Variants in TMEM117 observed in about 807,000 individuals in gnomAD.
The protein encoded by TMEM117 is transmembrane protein 117.
In TMEM117, 27 loss-of-function variants were observed where a neutral mutation model predicts 52.4. That is an observed-to-expected ratio of 0.51 (90% CI 0.38 to 0.71). TMEM117 has a LOEUF of 0.71. Ranked by LOEUF, TMEM117 falls within the 30% of genes least tolerant of loss-of-function variation. TMEM117 has a pLI of 0.00. For synonymous variants in TMEM117, 215 were observed against 206.3 expected (o/e 1.04, Z -0.36); for missense variants, 556 against 630.5 (o/e 0.88, Z 1.26).
At chr12:44,317,609 T>C (rs888927362) in intron 6 of TMEM117, among the ~76,000 whole-genome samples, 4 of 152,170 alleles carry the variant, frequency 2.6e-5, no homozygotes. Context: ...TTGGCCAGGC[T>C]AGTCTCGAAC....
intron 4 of TMEM117, among the ~76,000 whole-genome samples, chr12:44,193,990 C>T (rs2138350000): frequency 6.6e-6 from 1 of 152,110 alleles, no homozygotes; most frequent in East Asian, 1.9e-4. Context: ...ATCAGACCCA[C>T]AAAGATTTTA....
At chr12:43,813,237 T>TTTTTTTTTTTG in the TMEM117 span, among the ~76,000 whole-genome samples, 1 of 113,990 alleles carries the variant, frequency 8.8e-6, no homozygotes, top group Non-Finnish European at 1.9e-5. Flanking sequence ...TCTTGTTTTT[T>TTTTTTTTTTTG]TTTTTTTTTT....
intron 2 of TMEM117, among the ~76,000 whole-genome samples, chr12:43,854,413 G>T (rs1010944001): frequency 6.6e-6 from 1 of 150,570 alleles, no homozygotes; most frequent in African/African-American, 2.4e-5. Context: ...TAACTAGGAA[G>T]ATTAGGCTGG....
chr12:44,207,134 C>CTT (rs139838560), intron 4 of TMEM117, among the ~76,000 whole-genome samples: 7,971 of 152,058 alleles, frequency 0.052, 301 homozygotes, highest in Middle Eastern at 0.085. Context: ...CATTAATATC[C>CTT]TTTATGTATA....
intron 2 of TMEM117, among the ~76,000 whole-genome samples, chr12:43,874,654 T>A (rs913785671): frequency 1.3e-5 from 2 of 152,146 alleles, no homozygotes; most frequent in Non-Finnish European, 2.9e-5. Flanking sequence ...TAGTCTATTT[T>A]CCCCAACCAT....
Position 44,116,395 on chromosome 12 carries a change from A to G in TMEM117, c.411-27130A>G, listed in dbSNP as rs1013727016. On this transcript the variant is annotated intron_variant, in intron 3 of 7. Transcript: ENST00000266534. ...TGGAATTTCACCTACTATTAAAACT[A>G]CAAACTGCAAACTGCACTTCTAGCC... is the stretch of plus-strand genomic sequence containing the variant. Among the ~76,000 whole-genome samples the G allele has an allele frequency of 2.6e-5, 4 of 151,978 alleles. No individual in the cohort carries two copies. In the East Asian group the frequency reaches 5.8e-4, roughly 22 times the overall value.
At chr12:43,820,041 G>A in the TMEM117 span, among the ~76,000 whole-genome samples, 5 of 152,178 alleles carry the variant, frequency 3.3e-5, no homozygotes, top group African/African-American at 1.2e-4. Context: ...ATTATCCATT[G>A]CATGTGCTTT....
At chr12:43,803,371 G>C in the TMEM117 span, among the ~76,000 whole-genome samples, 1 of 152,188 alleles carries the variant, frequency 6.6e-6, no homozygotes, top group Admixed American at 6.5e-5. Flanking sequence ...ATTGTTTAAA[G>C]GGGATGCTCT....
At chr12:43,947,827 T>C (rs1945157525) in intron 3 of TMEM117, among the ~76,000 whole-genome samples, 2 of 152,178 alleles carry the variant, frequency 1.3e-5, no homozygotes, top group South Asian at 4.1e-4. Context: ...CTTTCCAAAC[T>C]GGAGGAGTTC....
intron 1 of TMEM117, among the ~76,000 whole-genome samples, chr12:43,837,832 C>T (rs1488631128): frequency 6.6e-6 from 1 of 152,176 alleles, no homozygotes; most frequent in East Asian, 1.9e-4. Flanking sequence ...GTTTTAAAAA[C>T]TTGCATTGAT....
At chr12:44,392,449 G>T (rs1310491451), downstream of TMEM117, among the ~76,000 whole-genome samples, 1 of 152,052 alleles carries the variant, frequency 6.6e-6, no homozygotes, top group Non-Finnish European at 1.5e-5. Context: ...CAAAAGTTAT[G>T]TTCAACATAG....
intron 2 of TMEM117, among the ~76,000 whole-genome samples, chr12:43,871,345 C>G (rs538278037): frequency 1.3e-5 from 2 of 152,266 alleles, no homozygotes; most frequent in South Asian, 4.1e-4. Flanking sequence ...CTCAGGTGAT[C>G]CGCCTGCCTC....
At chr12:43,827,926 C>T in the TMEM117 span, among the ~76,000 whole-genome samples, 195 of 152,220 alleles carry the variant, frequency 1.3e-3, 1 homozygote, top group Non-Finnish European at 2.5e-3. Context: ...AGAGAGGACG[C>T]GTGAAGATGG....
At chr12:44,205,456 A>T (rs1210822418) in intron 4 of TMEM117, among the ~76,000 whole-genome samples, 4 of 152,224 alleles carry the variant, frequency 2.6e-5, no homozygotes, top group Non-Finnish European at 5.9e-5. Context: ...TAGCAGTGTG[A>T]GAACAGATGA....
Position 44,203,263 on chromosome 12 carries a change from A to G in TMEM117, c.511-8027A>G, listed in dbSNP as rs569710084. On this transcript the variant is annotated intron_variant, in intron 4 of 7. Coordinates refer to ENST00000266534, the MANE Select transcript of TMEM117 (RefSeq NM_032256.3). ...TTTTATCCATAGAAATGCTTACAGC[A>G]GTCTGTGAGGTTCTTCTGTATTTCT... is the stretch of plus-strand genomic sequence containing the variant. 3.9e-5 allele frequency among the ~76,000 whole-genome samples: 6 copies of G among 152,278 alleles called. No homozygotes were observed. In the East Asian group the frequency reaches 1.2e-3, roughly 29 times the overall value.
intron 3 of TMEM117, among the ~76,000 whole-genome samples, chr12:43,984,991 A>G (rs994197438): frequency 2.0e-5 from 3 of 151,434 alleles, no homozygotes; most frequent in African/African-American, 7.3e-5. Flanking sequence ...TTTATTTGCA[A>G]CTTCTCTCTT....
chr12:43,926,250 T>C (rs984928359), intron 2 of TMEM117, among the ~76,000 whole-genome samples: 5 of 152,214 alleles, frequency 3.3e-5, no homozygotes, highest in South Asian at 2.1e-4. Flanking sequence ...AAACATTGGC[T>C]GGCATATCCT....
chr12:44,121,248 C>A (rs1400187149), intron 3 of TMEM117, among the ~76,000 whole-genome samples: 1 of 152,184 alleles, frequency 6.6e-6, no homozygotes, highest in Non-Finnish European at 1.5e-5. Flanking sequence ...GGAGGAGTCA[C>A]AGAGCCAAAC....
chr12:43,797,940 C>T, the TMEM117 span: 1 of 1,155,288 alleles, frequency 8.7e-7, no homozygotes, highest in Non-Finnish European at 1.2e-6. Context: ...CCTAGCCCAA[C>T]CTATAATTAA....
Sources: gnomAD v4.1 joint callset for allele counts (sites outside exome capture counted in the v4.1 genomes callset) on GRCh38, gnomAD v4.1.1 for gene constraint, MANE v1.5 for transcripts, NCBI Gene and HGNC (gene_info 2026-07-23, HGNC 2026-07-21) for gene names.